Variants in KIAA0232 observed in about 807,000 individuals in gnomAD.
KIAA0232 encodes uncharacterized protein KIAA0232.
KIAA0232 carries 27 observed loss-of-function variants against 122.0 expected under a neutral mutation model. The observed-to-expected ratio is 0.22, with a 90% confidence interval of 0.16 to 0.31. The LOEUF (loss-of-function observed/expected upper bound fraction) is 0.31. KIAA0232 is among the 10% of genes least tolerant of loss of function. KIAA0232 has a pLI of 1.00. For missense variants in KIAA0232, 1,551 were observed against 1,634.2 expected (o/e 0.95, Z 0.88); for synonymous variants, 613 against 587.6 (o/e 1.04, Z -0.63).
intron 2 of KIAA0232, 134 bp from the exon 3 acceptor site, chr4:6,824,051 G>C (rs1718550397): frequency 5.3e-6 from 2 of 374,480 alleles, no homozygotes; most frequent in Admixed American, 4.1e-5. Context: ...ATGATGGGGG[G>C]AAAAATCAGT....
intron 1 of KIAA0232, among the ~76,000 whole-genome samples, chr4:6,787,979 G>C (rs1359290244): frequency 6.6e-6 from 1 of 152,192 alleles, no homozygotes; most frequent in Admixed American, 6.5e-5. Flanking sequence ...ATCACTGTAA[G>C]ATCTTTGCTA....
At chr4:6,837,907 AGGGGAGAGGGGGAGGGGGAGG>A (rs1179209172) in intron 3 of KIAA0232, among the ~76,000 whole-genome samples, 2 of 107,582 alleles carry the variant, frequency 1.9e-5, no homozygotes, top group Admixed American at 8.9e-5. Context: ...GACCGTGCAA[AGGGGAGAGGGGGAGGGGGAGG>A]GAGAGGGAGA....
Position 6,837,851 on chromosome 4 carries a change from C to A in KIAA0232, c.232-4216C>A, listed in dbSNP as rs75562140. The stretch of plus-strand genomic sequence containing the variant: ...ATCAGGCAGGGAGGTTGCAGTGAGC[C>A]GAGATGGCGGCAGCACAGTCCAGCC... On this transcript the variant is annotated intron_variant, in intron 3 of 9. Coordinates refer to ENST00000307659, the MANE Select transcript of KIAA0232 (RefSeq NM_014743.3). Among the ~76,000 whole-genome samples the A allele has an allele frequency of 5.3e-5, 8 of 151,170 alleles. No individual in the cohort carries two copies. In the South Asian group the frequency reaches 1.7e-3, roughly 32 times the overall value.
At chr4:6,811,791 T>C (rs1008244886) in intron 2 of KIAA0232, among the ~76,000 whole-genome samples, 21 of 150,214 alleles carry the variant, frequency 1.4e-4, no homozygotes, top group Non-Finnish European at 3.0e-5. Context: ...AACCTTTGTG[T>C]TAGGCTACTG....
At chr4:6,825,935 C>T (rs960645388) in intron 3 of KIAA0232, among the ~76,000 whole-genome samples, 2 of 152,136 alleles carry the variant, frequency 1.3e-5, no homozygotes, top group Admixed American at 1.3e-4. Context: ...ATAACACATA[C>T]AGAGGATTTC....
At chr4:6,865,580 C>T (rs1025211743) in intron 7 of KIAA0232, among the ~76,000 whole-genome samples, 1 of 152,176 alleles carries the variant, frequency 6.6e-6, no homozygotes, top group Non-Finnish European at 1.5e-5. Context: ...GGATTACAGG[C>T]GTGAGCCACC....
chr4:6,855,556 A>T lies in KIAA0232; in HGVS notation c.370-1608A>T, dbSNP rs1425270245. Among the ~76,000 whole-genome samples the T allele has an allele frequency of 6.6e-6, 1 of 152,160 alleles. No homozygotes were observed. The highest frequency in any genetic ancestry group is 1.5e-5 in the Non-Finnish European group (1 of 68,040). ...TTTATATATGACAGCAAATATATATATATCACTCATATAGTATACATATTT... is the reference window on the plus strand; with the variant it reads ...TTTATATATGACAGCAAATATATATTTATCACTCATATAGTATACATATTT... On this transcript the variant is annotated intron_variant, in intron 4 of 9. Transcript: ENST00000307659. This position sits in a 1 kb window ranked among gnomAD's most constrained non-coding sequence, Gnocchi z 4.3.
rs113321773 is a variant in KIAA0232, at chr4:6,880,180, G to C, written c.4009-607G>C. On this transcript the variant is annotated intron_variant, in intron 9 of 9. Transcript: ENST00000307659. The stretch of plus-strand genomic sequence containing the variant: ...CACTGCAAACTCCCTTCCCAACACA[G>C]AGGTCTGCAGTGTCCCCTCACCATC... 2.9e-3 allele frequency among the ~76,000 whole-genome samples: 40 copies of C among 13,642 alleles called. 2 individuals carry two copies. Among genetic ancestry groups the C allele is most frequent in the African/African-American group, 0.011 (26 of 2,376 alleles). The allele number at this position is 13,642 out of a possible 152,430, so 8.9% of individuals were successfully genotyped here. A position where few individuals can be genotyped will look rare whatever the true frequency, so the allele number is the denominator to read the frequency against.
At chr4:6,808,534 A>T (rs1717739144) in intron 2 of KIAA0232, among the ~76,000 whole-genome samples, 1 of 150,446 alleles carries the variant, frequency 6.6e-6, no homozygotes, top group Admixed American at 6.7e-5. Flanking sequence ...TGCTTTACAT[A>T]AGGCGAAAGC....
At chr4:6,827,217 C>T (rs1169788758) in intron 3 of KIAA0232, among the ~76,000 whole-genome samples, 1 of 152,150 alleles carries the variant, frequency 6.6e-6, no homozygotes, top group East Asian at 1.9e-4. Flanking sequence ...ATCCTTTATC[C>T]CCTGCATTGC....
At chr4:6,817,561 G>C (rs2109003625) in intron 2 of KIAA0232, among the ~76,000 whole-genome samples, 1 of 152,294 alleles carries the variant, frequency 6.6e-6, no homozygotes, top group East Asian at 1.9e-4. Flanking sequence ...ATGTTTGGAA[G>C]CTTTTCCAGA....
At chr4:6,821,384 C>T (rs987298775) in intron 2 of KIAA0232, among the ~76,000 whole-genome samples, 4 of 152,070 alleles carry the variant, frequency 2.6e-5, no homozygotes, top group African/African-American at 9.7e-5. Context: ...CCCACCCTTT[C>T]CCCCTGAATT....
chr4:6,833,432 C>T (rs1719099751), intron 3 of KIAA0232, among the ~76,000 whole-genome samples: 2 of 151,964 alleles, frequency 1.3e-5, no homozygotes, highest in South Asian at 4.1e-4. Context: ...GAGTTTGAAA[C>T]TAGCCTGGGC....
At chr4:6,828,125 AG>A (rs1433504253) in intron 3 of KIAA0232, among the ~76,000 whole-genome samples, 8 of 152,176 alleles carry the variant, frequency 5.3e-5, no homozygotes, top group Non-Finnish European at 1.2e-4. Context: ...GTTTCTCAGT[AG>A]GTTATAACAT....
intron 1 of KIAA0232, among the ~76,000 whole-genome samples, chr4:6,789,523 C>T (rs770675316): frequency 8.7e-5 from 13 of 149,104 alleles, no homozygotes; most frequent in Non-Finnish European, 1.6e-4. Flanking sequence ...CTTCCTGCCT[C>T]GGCCTCCCAA....
rs556185702 is a variant in KIAA0232, at chr4:6,836,111, C to T, written c.232-5956C>T. Among the ~76,000 whole-genome samples the T allele has an allele frequency of 1.1e-3, 160 of 152,326 alleles. 1 individual carries two copies. Among genetic ancestry groups the T allele is most frequent in the African/African-American group, 3.7e-3 (152 of 41,554 alleles). On this transcript the variant is annotated intron_variant, in intron 3 of 9. Coordinates refer to ENST00000307659, the MANE Select transcript of KIAA0232 (RefSeq NM_014743.3). ...TAGTGTAGAAGCGTTCCTATCTCTC[C>T]ACATCTTCTCCAGCATCTGTTGTTT...
intron 2 of KIAA0232, among the ~76,000 whole-genome samples, chr4:6,815,004 C>G (rs775261291): frequency 2.0e-5 from 3 of 151,630 alleles, no homozygotes; most frequent in Non-Finnish European, 2.9e-5. Flanking sequence ...TTTGAAGGTC[C>G]TTTTCTCTTG....
In KIAA0232 at chr4:6,881,712, G is replaced by A. The variant is rs1722079967; in HGVS notation, c.*746G>A. ...CCCACCCCTTACCTGCTCTCATACT[G>A]CAGTTACATTTACACCAAAACCCCA... On this transcript the variant is annotated 3_prime_UTR_variant, in exon 10 of 10. Coordinates refer to ENST00000307659, the MANE Select transcript of KIAA0232 (RefSeq NM_014743.3). 1 of 152,606 alleles carries A rather than the reference G, an allele frequency of 6.6e-6. No homozygotes were observed. The highest frequency in any genetic ancestry group is 1.5e-5 in the Non-Finnish European group (1 of 68,042). The allele number at this position is 152,606 out of a possible 1,614,324, so 9.5% of individuals were successfully genotyped here.
At chr4:6,793,699 G>C (rs553288194) in intron 1 of KIAA0232, among the ~76,000 whole-genome samples, 183 of 152,338 alleles carry the variant, frequency 1.2e-3, no homozygotes, top group South Asian at 3.3e-3. Flanking sequence ...AGTAGCTACA[G>C]AAAATGGATA....
Sources: gnomAD v4.1 joint callset for allele counts (sites outside exome capture counted in the v4.1 genomes callset) on GRCh38, gnomAD v4.1.1 for gene constraint, Gnocchi (gnomAD v3.1) non-coding constraint, MANE v1.5 for transcripts, NCBI Gene and HGNC (gene_info 2026-07-23, HGNC 2026-07-21) for gene names.